SH3RF3: variants seen among roughly 807,000 people sequenced by gnomAD.
The protein encoded by SH3RF3 is E3 ubiquitin-protein ligase SH3RF3.
A neutral mutation model predicts 66.3 loss-of-function variants in SH3RF3; 29 were observed. The ratio of observed to expected loss-of-function variants is 0.44; its 90% CI spans 0.33 to 0.60. SH3RF3 has a LOEUF of 0.60. Ranked by LOEUF, SH3RF3 falls within the 20% of genes least tolerant of loss-of-function variation. SH3RF3 has a pLI of 0.04. For synonymous variants in SH3RF3, 583 were observed against 532.0 expected, an observed-to-expected ratio of 1.10 and a Z score of -1.32; for missense variants, 1,194 against 1,190.9, an observed-to-expected ratio of 1.00 and a Z score of -0.04.
chr2:109,153,592 CCT>C (rs755980244), intron 1 of SH3RF3, among the ~76,000 whole-genome samples: 41 of 152,306 alleles, frequency 2.7e-4, no homozygotes, highest in Non-Finnish European at 5.1e-4. Flanking sequence ...CGACAGATGC[CCT>C]GTGTGTGTGG....
At chr2:109,424,639 G>C (rs1676981984) in intron 5 of SH3RF3, among the ~76,000 whole-genome samples, 1 of 152,194 alleles carries the variant, frequency 6.6e-6, no homozygotes, top group South Asian at 2.1e-4. Context: ...GATGTGATCA[G>C]TGATTTTTGG....
intron 6 of SH3RF3, among the ~76,000 whole-genome samples, chr2:109,435,918 C>T (rs1247658675): frequency 6.6e-6 from 1 of 152,170 alleles, no homozygotes. Flanking sequence ...AGGAGGACAC[C>T]ACCCAGGGTC....
intron 1 of SH3RF3, among the ~76,000 whole-genome samples, chr2:109,170,329 CCT>C (rs747106986): frequency 6.9e-6 from 1 of 144,414 alleles, no homozygotes; most frequent in Non-Finnish European, 1.5e-5. Context: ...CTCTCTCTCT[CCT>C]CTCTCTCTCT....
intron 3 of SH3RF3, among the ~76,000 whole-genome samples, chr2:109,381,319 G>A (rs542678102): frequency 4.1e-4 from 63 of 152,326 alleles, no homozygotes; most frequent in African/African-American, 1.3e-3. Context: ...CTGTTTTTCT[G>A]CTTCTCCTGT....
intron 1 of SH3RF3, among the ~76,000 whole-genome samples, chr2:109,170,140 T>C (rs1189543930): frequency 2.0e-5 from 3 of 152,106 alleles, no homozygotes; most frequent in Non-Finnish European, 4.4e-5. Context: ...AGGATTATAA[T>C]TTTACATACC....
chr2:109,164,590 A>T (rs1363106539), intron 1 of SH3RF3, among the ~76,000 whole-genome samples: 2 of 152,072 alleles, frequency 1.3e-5, no homozygotes, highest in Admixed American at 1.3e-4. Flanking sequence ...CTTTTCTAGA[A>T]CTCAGCCAGG....
chr2:109,348,099 C>G, intron 2 of SH3RF3, 150 bp downstream of exon 2: 1 of 1,129,486 alleles, frequency 8.9e-7, no homozygotes, highest in Non-Finnish European at 1.2e-6. Context: ...GACCCAGCCT[C>G]CCTCCCTGTG....
rs150005222 is a variant in SH3RF3 at position 109,367,119 on chromosome 2, A to ATT, written c.850-4444_850-4443dup. 6.4e-3 allele frequency among the ~76,000 whole-genome samples: 728 copies of ATT among 113,312 alleles called. 9 individuals carry two copies. The highest frequency in any genetic ancestry group is 0.05 in the East Asian group (190 of 3,778). 74.3% of individuals were successfully genotyped at this position (113,312 alleles called of 152,430 possible). A position where few individuals can be genotyped will look rare whatever the true frequency, so the allele number is the denominator to read the frequency against. ...AGGCATATGCCACTGTGCCCTGGTAATTTTTTTTTTTTTTTTTTTTTTTTA... is the reference window on the plus strand; with the variant it reads ...AGGCATATGCCACTGTGCCCTGGTAATTTTTTTTTTTTTTTTTTTTTTTTTTA... On this transcript the variant is annotated intron_variant, in intron 2 of 9. Coordinates refer to ENST00000309415, the MANE Select transcript of SH3RF3 (RefSeq NM_001099289.3).
At position 109,238,350 on chromosome 2, in the gene SH3RF3, C is replaced by G. The variant is rs1679697185; in HGVS notation, c.573+108237C>G. Among the ~76,000 whole-genome samples, 4 of 152,020 alleles carry G rather than the reference C, an allele frequency of 2.6e-5. No homozygotes were observed. The South Asian group carries it at 8.3e-4, about 32-fold the overall frequency. On this transcript the variant is annotated intron_variant, in intron 1 of 9. Coordinates refer to ENST00000309415, the MANE Select transcript of SH3RF3 (RefSeq NM_001099289.3). Reference sequence around the variant, plus strand: ...TATAAATCTATGCACAGAGACAAGGCTGGAAGACAACTACCAGAGCATGAC... The same window carrying G: ...TATAAATCTATGCACAGAGACAAGGGTGGAAGACAACTACCAGAGCATGAC...
chr2:109,130,086 G>A lies in SH3RF3; in HGVS notation c.546G>A (p.Ala182=). ...GSTAGSLREL[A]TSRTAPAAKN... is the part of the protein sequence containing the mutation. ...CCGCCGGCAGTCTGCGGGAGCTGGC[G>A]ACCAGCAGGACCGCGCCGGCGGCAA... The change falls in exon 1 of 10, where the codon GCG becomes GCA. Residue 182 remains alanine (A), a synonymous_variant. Transcript: ENST00000309415. 7.4e-7 allele frequency: 1 copy of A among 1,357,182 alleles called. No homozygotes were observed. Among genetic ancestry groups the A allele is most frequent in the Non-Finnish European group, 9.5e-7 (1 of 1,056,888 alleles). 84.1% of individuals were successfully genotyped at this position (1,357,182 alleles called of 1,614,324 possible).
At chr2:109,355,817 G>A (rs1466665858) in intron 2 of SH3RF3, among the ~76,000 whole-genome samples, 1 of 152,164 alleles carries the variant, frequency 6.6e-6, no homozygotes, top group Non-Finnish European at 1.5e-5. Context: ...TTGAGGAGGG[G>A]TATTTCTCCA....
chr2:109,194,576 G>A (rs1249217667), intron 1 of SH3RF3, among the ~76,000 whole-genome samples: 1 of 152,230 alleles, frequency 6.6e-6, no homozygotes, highest in Non-Finnish European at 1.5e-5. Flanking sequence ...AGGGCCCGGC[G>A]GGCGGGCTGG....
chr2:109,129,694 C>T lies in SH3RF3; in HGVS notation c.154C>T (p.Leu52=). ...CGAGGACATGGACGAGTCGTCGCTGCTGGACCTGCTGGAGTGCTCCGTGTG... is the reference window on the plus strand; with the variant it reads ...CGAGGACATGGACGAGTCGTCGCTGTTGGACCTGCTGGAGTGCTCCGTGTG... ...AGEDMDESSL[L]DLLECSVCLE... Residue 52 remains leucine (L), a synonymous_variant, in exon 1 of 10, where the codon CTG becomes TTG. Coordinates refer to ENST00000309415, the MANE Select transcript of SH3RF3 (RefSeq NM_001099289.3). 3.9e-6 allele frequency: 6 copies of T among 1,530,530 alleles called. No homozygotes were observed. The highest frequency in any genetic ancestry group is 5.2e-6 in the Non-Finnish European group (6 of 1,143,076). The allele number at this position is 1,530,530 out of a possible 1,614,324, so 94.8% of individuals were successfully genotyped here.
intron 1 of SH3RF3, among the ~76,000 whole-genome samples, chr2:109,283,526 G>A (rs1680944560): frequency 6.6e-6 from 1 of 152,134 alleles, no homozygotes; most frequent in African/African-American, 2.4e-5. Context: ...AGTAGGGGAG[G>A]GATGGGCCAC....
intron 1 of SH3RF3, among the ~76,000 whole-genome samples, chr2:109,247,961 C>T (rs1168636570): frequency 6.6e-6 from 1 of 152,146 alleles, no homozygotes; most frequent in Admixed American, 6.5e-5. Context: ...GCTTTTTAAA[C>T]CTCCATCTGC....
intron 3 of SH3RF3, among the ~76,000 whole-genome samples, chr2:109,386,519 C>G (rs559233749): frequency 1.3e-5 from 2 of 152,328 alleles, no homozygotes. Flanking sequence ...TTTACAAAAA[C>G]CAGCGTTAGC....
chr2:109,326,624 G>A (rs1000246763), intron 1 of SH3RF3, among the ~76,000 whole-genome samples: 8 of 152,062 alleles, frequency 5.3e-5, no homozygotes, highest in African/African-American at 1.9e-4. Context: ...CAGGTCTTTG[G>A]GGACCATTTG....
intron 3 of SH3RF3, among the ~76,000 whole-genome samples, chr2:109,392,709 G>C (rs904345561): frequency 1.9e-4 from 29 of 152,010 alleles, no homozygotes; most frequent in African/African-American, 7.0e-4. Context: ...TAGAGATGGG[G>C]TTTCACCGTG....
chr2:109,400,142 C>T (rs1362857708), intron 4 of SH3RF3, among the ~76,000 whole-genome samples: 1 of 152,196 alleles, frequency 6.6e-6, no homozygotes, highest in African/African-American at 2.4e-5. Flanking sequence ...TTAAAAATTG[C>T]TGAGCTTCTG....
Sources: gnomAD v4.1 joint callset for allele counts (sites outside exome capture counted in the v4.1 genomes callset) on GRCh38, gnomAD v4.1.1 for gene constraint, MANE v1.5 for transcripts, NCBI Gene and HGNC (gene_info 2026-07-23, HGNC 2026-07-21) for gene names.